The following OCIAD1 variants were observed in gnomAD, a reference collection of about 807,000 sequenced individuals.
OCIAD1 encodes the protein OCIA domain containing 1.
A neutral mutation model predicts 38.9 loss-of-function variants in OCIAD1; 29 were observed. The ratio of observed to expected loss-of-function variants is 0.74; its 90% CI spans 0.55 to 1.02. The LOEUF (loss-of-function observed/expected upper bound fraction) is 1.02, where lower values mean the gene tolerates loss of function less well. Ranked by LOEUF, OCIAD1 falls within the 50% of genes least tolerant of loss-of-function variation. The pLI, the probability that OCIAD1 is intolerant of heterozygous loss-of-function variation, is 0.00. For missense variants in OCIAD1, 288 were observed against 289.6 expected (o/e 0.99, Z 0.04); for synonymous variants, 110 against 92.0 (o/e 1.20, Z -1.12).
intron 1 of OCIAD1, among the ~76,000 whole-genome samples, chr4:48,815,786 T>C (rs902961950): frequency 2.6e-5 from 4 of 152,194 alleles, no homozygotes; most frequent in Non-Finnish European, 5.9e-5. Flanking sequence ...TCTGTTTTAA[T>C]GACAACAAAG....
intron 1 of OCIAD1, among the ~76,000 whole-genome samples, chr4:48,808,224 T>C (rs1394574765): frequency 6.6e-6 from 1 of 152,110 alleles, no homozygotes; most frequent in Non-Finnish European, 1.5e-5. Context: ...GCCCAGCACT[T>C]TGGGAGGCCA....
rs56187315 is a variant in OCIAD1 at position 48,806,191 on chromosome 4, C to T, written c.-103+861C>T. ...CTGAGGCAGGAGAATCGCTTGAACC[C>T]GGGAGGTGGAGGTTGCAGTGAGCCG... On this transcript the variant is annotated intron_variant, in intron 1 of 6. Transcript: ENST00000504654. 6.7e-3 allele frequency among the ~76,000 whole-genome samples: 1,015 copies of T among 151,796 alleles called. 14 individuals are homozygous for T. The highest frequency in any genetic ancestry group is 0.023 in the African/African-American group (972 of 41,410).
chr4:48,857,273 G>A lies in OCIAD1; in HGVS notation c.608G>A (p.Arg203Lys), dbSNP rs535878078. The change falls in exon 8 of 9, where the codon AGG (arginine) becomes AAG (lysine). Residue 203 changes from arginine (R) to lysine (K), a missense_variant. Transcript: ENST00000264312. ...KRKNITYEEL[R>K]NKNRESYEVS... ...AAAAATATTACATATGAGGAATTAA[G>A]GAATAAGAACAGAGAGTCATATGAA... The A allele has an allele frequency of 1.1e-5, 17 of 1,591,796 alleles. No homozygotes were observed. In the South Asian group the frequency reaches 1.6e-4, roughly 15 times the overall value.
At chr4:48,846,218 A>G (rs1778965642) in intron 4 of OCIAD1, among the ~76,000 whole-genome samples, 1 of 152,238 alleles carries the variant, frequency 6.6e-6, no homozygotes, top group Non-Finnish European at 1.5e-5. Flanking sequence ...TGTTCTTACC[A>G]TCTTCCTTTT....
chr4:48,851,890 A>T lies in OCIAD1; in HGVS notation c.462A>T (p.Glu154Asp), dbSNP rs777712778. 3.1e-6 allele frequency: 5 copies of T among 1,613,044 alleles called. No homozygotes were observed. Among genetic ancestry groups the T allele is most frequent in the Non-Finnish European group, 4.2e-6 (5 of 1,179,120 alleles). ...CATCCCCAGCAGCAGACAACATAGA[A>T]ATGCTTCCTCATTATGAGCCAATTC... ...FVTSPAADNI[E>D]MLPHYEPIPF... Residue 154 changes from glutamate (E) to aspartate (D), a missense_variant, in exon 7 of 9, where the codon GAA (glutamate) becomes GAT (aspartate). Coordinates refer to ENST00000264312, the MANE Select transcript of OCIAD1 (RefSeq NM_017830.4).
chr4:48,840,073 A>G lies in OCIAD1; in HGVS notation c.140-2563A>G, dbSNP rs1778382545. On this transcript the variant is annotated intron_variant, in intron 3 of 8. Transcript: ENST00000264312. ...ACCATTGTCTTTTTCTGTGACATAAAGTAGAATACCTGAGTTGGAATGAGA... is the reference window on the plus strand; with the variant it reads ...ACCATTGTCTTTTTCTGTGACATAAGGTAGAATACCTGAGTTGGAATGAGA... Among the ~76,000 whole-genome samples the G allele has an allele frequency of 2.0e-5, 3 of 152,242 alleles. No individual in the cohort carries two copies. In the South Asian group the frequency reaches 6.2e-4, roughly 31 times the overall value.
At chr4:48,858,507 G>T (rs548290386) in intron 8 of OCIAD1, among the ~76,000 whole-genome samples, 1 of 152,162 alleles carries the variant, frequency 6.6e-6, no homozygotes, top group Non-Finnish European at 1.5e-5. Context: ...AGGCTGGAGT[G>T]CAGTGGTGTA....
intron 1 of OCIAD1, chr4:48,831,511 CTGGG>C (rs946806270): frequency 2.3e-6 from 3 of 1,290,534 alleles, no homozygotes; most frequent in Non-Finnish European, 3.0e-6. Context: ...GAGACGGACA[CTGGG>C]TGGAGGATGG....
At chr4:48,822,784 A>C (rs1777206798) in intron 1 of OCIAD1, among the ~76,000 whole-genome samples, 1 of 152,234 alleles carries the variant, frequency 6.6e-6, no homozygotes, top group South Asian at 2.1e-4. Flanking sequence ...CAAACATATA[A>C]AAAAATGCTC....
chr4:48,821,849 A>C (rs1777197403), intron 1 of OCIAD1, among the ~76,000 whole-genome samples: 1 of 152,226 alleles, frequency 6.6e-6, no homozygotes, highest in Non-Finnish European at 1.5e-5. Context: ...GATGTGAAGG[A>C]CCTCTTCAAG....
intron 3 of OCIAD1, among the ~76,000 whole-genome samples, chr4:48,837,773 G>A (rs1401157526): frequency 6.6e-6 from 1 of 151,436 alleles, no homozygotes; most frequent in African/African-American, 2.4e-5. Flanking sequence ...TGGGATTATT[G>A]TAGTGTTGGG....
intron 1 of OCIAD1, among the ~76,000 whole-genome samples, chr4:48,808,653 G>T (rs1264630100): frequency 6.6e-6 from 1 of 152,134 alleles, no homozygotes; most frequent in African/African-American, 2.4e-5. Context: ...TCTGAAGAAT[G>T]CAGCCCTCAC....
intron 1 of OCIAD1, among the ~76,000 whole-genome samples, chr4:48,806,215 C>T (rs574688065): frequency 9.2e-5 from 14 of 151,672 alleles, no homozygotes; most frequent in Middle Eastern, 3.4e-3. Context: ...TGCAGTGAGC[C>T]GAGATCACGC....
intron 3 of OCIAD1, among the ~76,000 whole-genome samples, chr4:48,839,702 A>T (rs556880096): frequency 2.0e-4 from 31 of 152,220 alleles, no homozygotes; most frequent in Non-Finnish European, 4.0e-4. Context: ...ACAGTTAGGA[A>T]TATAGAGTAG....
chr4:48,815,083 G>C (rs2109490627), intron 1 of OCIAD1, among the ~76,000 whole-genome samples: 1 of 152,290 alleles, frequency 6.6e-6, no homozygotes, highest in African/African-American at 2.4e-5. Flanking sequence ...GGAGGCTGAG[G>C]TGGGCAGATC....
chr4:48,828,530 C>T (rs372899260), upstream of OCIAD1, among the ~76,000 whole-genome samples: 3 of 152,278 alleles, frequency 2.0e-5, no homozygotes, highest in East Asian at 1.9e-4. Flanking sequence ...TGGGTCTGCA[C>T]CACCTTTATG....
chr4:48,851,683 TA>T (rs1156432425), intron 6 of OCIAD1, 122 bp from the exon 7 acceptor site: 6 of 482,392 alleles, frequency 1.2e-5, no homozygotes, highest in African/African-American at 2.0e-5. Context: ...CTCAAAAAAA[TA>T]AAAAAAATTA....
chr4:48,850,364 C>T (rs1779330560), intron 6 of OCIAD1, among the ~76,000 whole-genome samples: 1 of 152,008 alleles, frequency 6.6e-6, no homozygotes, highest in Non-Finnish European at 1.5e-5. Context: ...GTTCACAAGG[C>T]CCCACTGCCT....
chr4:48,855,815 C>CAAAA (rs752582945), intron 7 of OCIAD1, among the ~76,000 whole-genome samples: 2 of 83,518 alleles, frequency 2.4e-5, no homozygotes. Context: ...GACTCTGTCT[C>CAAAA]AAAAAAAAAA....
Sources: gnomAD v4.1 joint callset for allele counts (sites outside exome capture counted in the v4.1 genomes callset) on GRCh38, gnomAD v4.1.1 for gene constraint, MANE v1.5 for transcripts, NCBI Gene and HGNC (gene_info 2026-07-23, HGNC 2026-07-21) for gene names.